UBAP2: variants seen among roughly 807,000 people sequenced by gnomAD.
The protein encoded by UBAP2 is ubiquitin associated protein 2.
Under a neutral mutation model 139.6 loss-of-function variants are expected in UBAP2, and 75 were observed. The ratio of observed to expected loss-of-function variants is 0.54; its 90% CI spans 0.45 to 0.65. The LOEUF (loss-of-function observed/expected upper bound fraction) is 0.65. Among genes scored for constraint, UBAP2 ranks in the 30% least tolerant of loss-of-function variants. The pLI, the probability that UBAP2 is intolerant of heterozygous loss-of-function variation, is 0.00. For missense variants in UBAP2, 1,368 were observed against 1,369.6 expected (o/e 1.00, Z 0.02); for synonymous variants, 526 against 526.2 (o/e 1.00, Z 0.01).
At chr9:34,014,219 G>A (rs1395345140) in intron 2 of UBAP2, among the ~76,000 whole-genome samples, 1 of 149,734 alleles carries the variant, frequency 6.7e-6, no homozygotes, top group Non-Finnish European at 1.5e-5. Flanking sequence ...CCCAGCTGCT[G>A]GGGAGGATAA....
intron 12 of UBAP2, among the ~76,000 whole-genome samples, chr9:33,952,374 C>T (rs1369869822): frequency 2.0e-5 from 3 of 152,124 alleles, no homozygotes; most frequent in Non-Finnish European, 4.4e-5. Context: ...TTCTGAAGTT[C>T]CTTCTGGATG....
chr9:34,038,462 T>C (rs1438861296), intron 1 of UBAP2, among the ~76,000 whole-genome samples: 1 of 152,184 alleles, frequency 6.6e-6, no homozygotes, highest in East Asian at 1.9e-4. Flanking sequence ...TTCGTATTTT[T>C]TTGGTGGAGA....
At chr9:33,929,728 A>G (rs1381118471) in intron 19 of UBAP2, among the ~76,000 whole-genome samples, 1 of 152,240 alleles carries the variant, frequency 6.6e-6, no homozygotes, top group East Asian at 1.9e-4. Context: ...TAGGCCGGGC[A>G]CGGTGGCTCA....
chr9:33,943,980 G>A (rs1159432018), intron 14 of UBAP2, among the ~76,000 whole-genome samples: 1 of 152,178 alleles, frequency 6.6e-6, no homozygotes, highest in East Asian at 1.9e-4. Flanking sequence ...TAAGAGCAAT[G>A]CGGGGGAGTT....
At chr9:34,033,926 G>A (rs1371444811) in intron 1 of UBAP2, among the ~76,000 whole-genome samples, 1 of 151,930 alleles carries the variant, frequency 6.6e-6, no homozygotes, top group Non-Finnish European at 1.5e-5. Context: ...AGTAGAGACG[G>A]GGTTTCGTCA....
intron 8 of UBAP2, among the ~76,000 whole-genome samples, chr9:33,966,934 G>T (rs191302736): frequency 1.3e-5 from 2 of 150,284 alleles, no homozygotes; most frequent in African/African-American, 4.9e-5. Flanking sequence ...TACATGAGAC[G>T]GACCACCGTG....
chr9:34,019,944 G>A (rs192742871), intron 1 of UBAP2, among the ~76,000 whole-genome samples: 2 of 151,598 alleles, frequency 1.3e-5, no homozygotes, highest in Admixed American at 6.6e-5. Flanking sequence ...GGCAGATCAC[G>A]AGGTCAGGAG....
intron 1 of UBAP2, among the ~76,000 whole-genome samples, chr9:34,032,935 A>AT (rs1826016096): frequency 6.7e-6 from 1 of 149,328 alleles, no homozygotes; most frequent in Non-Finnish European, 1.5e-5. Flanking sequence ...AAAAAAAAAA[A>AT]TCAACATCTT....
intron 6 of UBAP2, among the ~76,000 whole-genome samples, chr9:33,974,951 G>C (rs867892312): frequency 3.8e-4 from 56 of 146,084 alleles, no homozygotes; most frequent in African/African-American, 1.3e-3. Context: ...GGGGGGGTGC[G>C]GGGGGGCGGG....
chr9:33,959,933 G>T (rs1230296764), intron 10 of UBAP2, among the ~76,000 whole-genome samples: 1 of 151,918 alleles, frequency 6.6e-6, no homozygotes. Context: ...CTTAACACCT[G>T]GTAAATTTTG....
At chr9:33,963,933 T>G in intron 8 of UBAP2, 142 bp from the exon 9 acceptor site, 1 of 636,832 alleles carries the variant, frequency 1.6e-6, no homozygotes, top group African/African-American at 1.8e-5. Context: ...ATCCATACTC[T>G]TACAGGTCAC....
intron 2 of UBAP2, among the ~76,000 whole-genome samples, chr9:34,008,841 T>C (rs1823474495): frequency 6.6e-6 from 1 of 151,268 alleles, no homozygotes. Context: ...GGTGTGCGCC[T>C]GTAGTCCCAA....
chr9:33,932,663 G>C, intron 18 of UBAP2, 35 bp from the exon 19 acceptor site: 6 of 1,611,140 alleles, frequency 3.7e-6, no homozygotes, highest in Non-Finnish European at 5.1e-6. Flanking sequence ...ATGTCCACCT[G>C]AACAAGTGAC....
intron 16 of UBAP2, among the ~76,000 whole-genome samples, chr9:33,939,245 G>A (rs1258391036): frequency 7.2e-6 from 1 of 138,904 alleles, no homozygotes; most frequent in African/African-American, 2.8e-5. Context: ...CCAGGCTGGA[G>A]TGCAACGGTG....
chr9:34,013,792 G>A (rs990999900), intron 2 of UBAP2, among the ~76,000 whole-genome samples: 2 of 150,436 alleles, frequency 1.3e-5, no homozygotes, highest in Non-Finnish European at 3.0e-5. Flanking sequence ...CAGGAGAATC[G>A]CTTGGACCCA....
At chr9:33,999,347 G>A (rs1368188734) in intron 2 of UBAP2, among the ~76,000 whole-genome samples, 2 of 150,092 alleles carry the variant, frequency 1.3e-5, no homozygotes, top group African/African-American at 4.9e-5. Context: ...GGCTTAAAAA[G>A]TAATGAAATC....
At chr9:33,947,280 A>G (rs1315396796) in intron 13 of UBAP2, among the ~76,000 whole-genome samples, 1 of 152,186 alleles carries the variant, frequency 6.6e-6, no homozygotes, top group Non-Finnish European at 1.5e-5. Context: ...TGCCCTAACC[A>G]TAAACCAGCC....
intron 1 of UBAP2, among the ~76,000 whole-genome samples, chr9:34,043,678 T>C (rs1263993951): frequency 6.6e-6 from 1 of 152,024 alleles, no homozygotes. Context: ...ATTTTTTTTA[T>C]AGAGACAGGG....
At chr9:33,984,164 A>AG (rs1333488307) in intron 6 of UBAP2, among the ~76,000 whole-genome samples, 2 of 151,686 alleles carry the variant, frequency 1.3e-5, no homozygotes, top group African/African-American at 4.8e-5. Context: ...TTGGCCTCCC[A>AG]AAGTGCTGGG....
Sources: gnomAD v4.1 joint callset for allele counts (sites outside exome capture counted in the v4.1 genomes callset) on GRCh38, gnomAD v4.1.1 for gene constraint, MANE v1.5 for transcripts, NCBI Gene and HGNC (gene_info 2026-07-23, HGNC 2026-07-21) for gene names.